The following KIAA1217 variants were observed in gnomAD, a reference collection of about 807,000 sequenced individuals.
The protein encoded by KIAA1217 is sickle tail protein homolog.
In KIAA1217, 88 loss-of-function variants were observed where a neutral mutation model predicts 163.9. That is an observed-to-expected ratio of 0.54 (90% CI 0.45 to 0.64). The LOEUF (loss-of-function observed/expected upper bound fraction) is 0.64, where lower values mean the gene tolerates loss of function less well. KIAA1217 is among the 30% of genes least tolerant of loss of function. The pLI is 0.00. For missense variants in KIAA1217, 2,372 were observed against 2,475.0 expected, an observed-to-expected ratio of 0.96 and a Z score of 0.88; for synonymous variants, 903 against 923.1, an observed-to-expected ratio of 0.98 and a Z score of 0.39.
intron 1 of KIAA1217, among the ~76,000 whole-genome samples, chr10:23,811,645 T>A (rs1837059927): frequency 6.6e-6 from 1 of 151,840 alleles, no homozygotes; most frequent in South Asian, 2.1e-4. Context: ...ACTTGGGAAA[T>A]GACTGCACTC....
At chr10:24,100,727 GA>G (rs1166123995) in intron 2 of KIAA1217, among the ~76,000 whole-genome samples, 19 of 152,074 alleles carry the variant, frequency 1.2e-4, no homozygotes, top group African/African-American at 4.3e-4. Flanking sequence ...TCATACTATA[GA>G]ATATATTTCT....
chr10:24,054,851 C>G (rs1328051254), intron 2 of KIAA1217, among the ~76,000 whole-genome samples: 2 of 152,102 alleles, frequency 1.3e-5, no homozygotes, highest in Non-Finnish European at 1.5e-5. Flanking sequence ...ATCTGTACAT[C>G]TAAACATAGA....
intron 2 of KIAA1217, among the ~76,000 whole-genome samples, chr10:24,352,239 G>A (rs2048538274): frequency 6.6e-6 from 1 of 152,196 alleles, no homozygotes; most frequent in African/African-American, 2.4e-5. Context: ...GCTGACCCAA[G>A]AATTGCATTG....
chr10:23,725,433 T>C (rs1838082900), intron 1 of KIAA1217, among the ~76,000 whole-genome samples: 1 of 152,232 alleles, frequency 6.6e-6, no homozygotes, highest in Non-Finnish European at 1.5e-5. Context: ...ATGACCTATG[T>C]CTTGAATTAT....
intron 10 of KIAA1217, among the ~76,000 whole-genome samples, chr10:24,519,316 G>T (rs2070717430): frequency 1.3e-5 from 2 of 152,136 alleles, no homozygotes; most frequent in Non-Finnish European, 2.9e-5. Flanking sequence ...TCAAGGGTGA[G>T]ACCTCGTCTC....
intron 2 of KIAA1217, among the ~76,000 whole-genome samples, chr10:24,051,030 A>G (rs933461077): frequency 1.3e-5 from 2 of 152,156 alleles, no homozygotes; most frequent in African/African-American, 4.8e-5. Context: ...TCACCTAAGC[A>G]ATGTACACTC....
chr10:24,476,113 A>T (rs899012605), intron 6 of KIAA1217, among the ~76,000 whole-genome samples: 1 of 152,174 alleles, frequency 6.6e-6, no homozygotes, highest in Non-Finnish European at 1.5e-5. Context: ...ATGAAAACAG[A>T]TTAGTTTAGA....
intron 1 of KIAA1217, among the ~76,000 whole-genome samples, chr10:23,971,174 G>T (rs1845300467): frequency 6.6e-6 from 1 of 152,218 alleles, no homozygotes; most frequent in African/African-American, 2.4e-5. Context: ...GGGGCCGCGT[G>T]CACAGTGTGT....
chr10:23,901,913 C>CA (rs71397922), intron 1 of KIAA1217, among the ~76,000 whole-genome samples: 3,281 of 98,382 alleles, frequency 0.033, 59 homozygotes, highest in African/African-American at 0.039. Flanking sequence ...GACTCTATCT[C>CA]AAAAAAAAAA....
chr10:24,506,695 G>T (rs1316740826), intron 9 of KIAA1217, among the ~76,000 whole-genome samples: 2 of 152,122 alleles, frequency 1.3e-5, no homozygotes, highest in South Asian at 2.1e-4. Flanking sequence ...AGAATGGGGG[G>T]AAAAAACCTA....
intron 3 of KIAA1217, among the ~76,000 whole-genome samples, chr10:24,424,812 A>G (rs1357010621): frequency 6.6e-6 from 1 of 152,206 alleles, no homozygotes; most frequent in Non-Finnish European, 1.5e-5. Flanking sequence ...CATGTTGCCC[A>G]GGATGATCTC....
At chr10:24,019,006 A>G (rs1847616966) in intron 2 of KIAA1217, among the ~76,000 whole-genome samples, 2 of 152,128 alleles carry the variant, frequency 1.3e-5, no homozygotes, top group Admixed American at 6.6e-5. Context: ...AATTGAACTC[A>G]TAGAAGCAGA....
chr10:23,781,555 T>C (rs1264269461), intron 1 of KIAA1217, among the ~76,000 whole-genome samples: 2 of 152,234 alleles, frequency 1.3e-5, no homozygotes, highest in South Asian at 2.1e-4. Context: ...ATTTGTTGAT[T>C]GTCCCCTTTG....
chr10:24,120,539 C>T (rs1419020886), intron 2 of KIAA1217, among the ~76,000 whole-genome samples: 1 of 152,164 alleles, frequency 6.6e-6, no homozygotes, highest in African/African-American at 2.4e-5. Context: ...TAGCTCCCAT[C>T]AACTATGGTG....
intron 2 of KIAA1217, among the ~76,000 whole-genome samples, chr10:24,360,933 A>G (rs1325204758): frequency 6.6e-6 from 1 of 152,058 alleles, no homozygotes; most frequent in Non-Finnish European, 1.5e-5. Flanking sequence ...AAATCAGAAA[A>G]GCAAGCACAA....
intron 3 of KIAA1217, among the ~76,000 whole-genome samples, chr10:24,400,863 A>G (rs1270833309): frequency 6.6e-6 from 1 of 151,950 alleles, no homozygotes; most frequent in Non-Finnish European, 1.5e-5. Context: ...TTGGGGAAAG[A>G]CAATAGTGGA....
chr10:24,545,406 G>A, intron 20 of KIAA1217: 1 of 1,308,984 alleles, frequency 7.6e-7, no homozygotes. Flanking sequence ...GAACACCTCG[G>A]GAAGCAGAGA....
chr10:24,013,036 C>T (rs950239651), intron 2 of KIAA1217, among the ~76,000 whole-genome samples: 2 of 152,164 alleles, frequency 1.3e-5, no homozygotes, highest in Non-Finnish European at 2.9e-5. Context: ...CAGATAAGCA[C>T]AGAGTGACAA....
chr10:24,515,762 A>C (rs1034979138), intron 10 of KIAA1217, among the ~76,000 whole-genome samples: 2 of 152,234 alleles, frequency 1.3e-5, no homozygotes, highest in Non-Finnish European at 2.9e-5. Context: ...AGTATCTTGC[A>C]CATAGTAGTT....
Sources: gnomAD v4.1 joint callset for allele counts (sites outside exome capture counted in the v4.1 genomes callset) on GRCh38, gnomAD v4.1.1 for gene constraint, MANE v1.5 for transcripts, NCBI Gene and HGNC (gene_info 2026-07-23, HGNC 2026-07-21) for gene names.